The following CACNG3 variants were observed in gnomAD, a reference collection of about 807,000 sequenced individuals.
The protein encoded by CACNG3 is calcium voltage-gated channel auxiliary subunit gamma 3.
Under a neutral mutation model 28.5 loss-of-function variants are expected in CACNG3, and 3 were observed. That is an observed-to-expected ratio of 0.11 (90% confidence interval 0.05 to 0.27). The LOEUF (loss-of-function observed/expected upper bound fraction) is 0.27. Ranked by LOEUF, CACNG3 falls within the 10% of genes least tolerant of loss-of-function variation. The pLI, the probability that CACNG3 is intolerant of heterozygous loss-of-function variation, is 1.00. For synonymous variants in CACNG3, 174 were observed against 162.2 expected, an observed-to-expected ratio of 1.07 and a Z score of -0.55; for missense variants, 236 against 414.4, an observed-to-expected ratio of 0.57 and a Z score of 3.74.
chr16:24,317,652 G>GAAAGAAAGAAAGGA (rs1567217654), intron 1 of CACNG3, among the ~76,000 whole-genome samples: 6 of 41,956 alleles, frequency 1.4e-4, no homozygotes, highest in African/African-American at 5.8e-4. Context: ...GAAAAGAAAA[G>GAAAGAAAGAAAGGA]AAAGAAAGAA....
chr16:24,304,352 T>A (rs1899155783), intron 1 of CACNG3, among the ~76,000 whole-genome samples: 1 of 152,184 alleles, frequency 6.6e-6, no homozygotes, highest in South Asian at 2.1e-4. Flanking sequence ...ACATTTCATT[T>A]TTTTTAGCTT....
chr16:24,267,354 C>T (rs546743796), intron 1 of CACNG3, among the ~76,000 whole-genome samples: 1 of 152,218 alleles, frequency 6.6e-6, no homozygotes, highest in Admixed American at 6.5e-5. Context: ...GTGGTGCAAT[C>T]AGAGCTCACT....
intron 1 of CACNG3, among the ~76,000 whole-genome samples, chr16:24,317,648 A>AAAGAAAGAAAGAAAGAAAGGAAAAGAAAG (rs1491194402): frequency 3.6e-5 from 2 of 55,718 alleles, no homozygotes; most frequent in African/African-American, 1.7e-4. Context: ...GAAAGAAAAG[A>AAAGAAAGAAAGAAAGAAAGGAAAAGAAAG]AAAGAAAGAA....
chr16:24,357,654 G>A (rs1900050575), intron 3 of CACNG3, among the ~76,000 whole-genome samples: 1 of 152,170 alleles, frequency 6.6e-6, no homozygotes, highest in Non-Finnish European at 1.5e-5. Flanking sequence ...AGGTGGCGGT[G>A]GCCTCTACCT....
intron 1 of CACNG3, among the ~76,000 whole-genome samples, chr16:24,339,273 C>T (rs1245667051): frequency 6.6e-6 from 1 of 152,122 alleles, no homozygotes; most frequent in Non-Finnish European, 1.5e-5. Flanking sequence ...ACCACAATGA[C>T]TTAATTATTA....
intron 1 of CACNG3, among the ~76,000 whole-genome samples, chr16:24,335,806 T>C (rs1332902221): frequency 6.6e-6 from 1 of 152,084 alleles, no homozygotes; most frequent in African/African-American, 2.4e-5. Flanking sequence ...GGCTGGGTGG[T>C]GGCTCACGCC....
chr16:24,295,072 G>A (rs552705739), intron 1 of CACNG3, among the ~76,000 whole-genome samples: 2 of 152,268 alleles, frequency 1.3e-5, no homozygotes, highest in South Asian at 4.2e-4. Context: ...TGAATTGTCA[G>A]GAGGGTCCCT....
intron 1 of CACNG3, among the ~76,000 whole-genome samples, chr16:24,264,075 T>C (rs1305295102): frequency 2.0e-5 from 3 of 152,222 alleles, no homozygotes; most frequent in African/African-American, 7.2e-5. Context: ...AAAGGTGAAG[T>C]TCTGTGTGTG....
intron 1 of CACNG3, among the ~76,000 whole-genome samples, chr16:24,327,179 G>C (rs1899561431): frequency 7.6e-6 from 1 of 131,086 alleles, no homozygotes. Context: ...GAAGGAAGAG[G>C]AAAAGAAGAC....
At chr16:24,299,484 CT>C (rs1260183132) in intron 1 of CACNG3, among the ~76,000 whole-genome samples, 1 of 152,136 alleles carries the variant, frequency 6.6e-6, no homozygotes, top group Non-Finnish European at 1.5e-5. Context: ...TGCAAGGGTC[CT>C]TGGTTCCTTT....
At chr16:24,281,186 TTTG>T (rs1429062144) in intron 1 of CACNG3, among the ~76,000 whole-genome samples, 2 of 152,102 alleles carry the variant, frequency 1.3e-5, no homozygotes, top group East Asian at 1.9e-4. Context: ...TATATTCTGT[TTTG>T]TTGTTGTTGT....
At chr16:24,324,066 A>G (rs1596643175) in intron 1 of CACNG3, among the ~76,000 whole-genome samples, 1 of 152,284 alleles carries the variant, frequency 6.6e-6, no homozygotes, top group Middle Eastern at 3.4e-3. Context: ...GAGACAATGT[A>G]CCCAGCCACT....
rs79244758 is a variant in CACNG3 at position 24,299,049 on chromosome 16, T to C, written c.211+42084T>C. On this transcript the variant is annotated intron_variant, in intron 1 of 3. Coordinates refer to ENST00000005284, the MANE Select transcript of CACNG3 (RefSeq NM_006539.4). ...GTCTCGCCCCTGTAGAGTTACTTTT[T>C]TTTCCCCCTTTCCCTATTGTATTCT... 3.5e-3 allele frequency among the ~76,000 whole-genome samples: 532 copies of C among 152,246 alleles called. 2 individuals are homozygous for C. The highest frequency in any genetic ancestry group is 0.012 in the African/African-American group (492 of 41,530).
At chr16:24,279,429 G>A (rs1210325428) in intron 1 of CACNG3, among the ~76,000 whole-genome samples, 1 of 151,898 alleles carries the variant, frequency 6.6e-6, no homozygotes, top group Non-Finnish European at 1.5e-5. Context: ...GAGTAGCTGG[G>A]ACTACAGAGG....
chr16:24,326,921 T>C (rs1472809625), intron 1 of CACNG3, among the ~76,000 whole-genome samples: 1 of 151,990 alleles, frequency 6.6e-6, no homozygotes, highest in African/African-American at 2.4e-5. Flanking sequence ...CACCTGATCC[T>C]GAACCAGTCT....
intron 1 of CACNG3, among the ~76,000 whole-genome samples, chr16:24,308,360 G>C (rs996438958): frequency 6.6e-6 from 1 of 152,124 alleles, no homozygotes; most frequent in African/African-American, 2.4e-5. Context: ...CTCTTCTAGT[G>C]CCTGCAGCAA....
chr16:24,257,368 GGAGAGAGAGAGAGAGAGAGA>G (rs71154293), intron 1 of CACNG3, among the ~76,000 whole-genome samples: 1,575 of 52,862 alleles, frequency 0.03, 199 homozygotes, highest in East Asian at 0.12. Flanking sequence ...AAGTGAGGGG[GGAGAGAGAGAGAGAGAGAGA>G]GAGAGAGAGA....
At chr16:24,334,902 T>A (rs763037353) in intron 1 of CACNG3, among the ~76,000 whole-genome samples, 2 of 152,172 alleles carry the variant, frequency 1.3e-5, no homozygotes, top group Non-Finnish European at 2.9e-5. Flanking sequence ...TGTGTACCCA[T>A]GTCTGGGTGA....
intron 1 of CACNG3, among the ~76,000 whole-genome samples, chr16:24,340,022 C>A (rs112459120): frequency 2.6e-4 from 39 of 152,270 alleles, no homozygotes; most frequent in African/African-American, 9.1e-4. Flanking sequence ...GTAATCCCAG[C>A]ACTTTTGCAG....
Sources: gnomAD v4.1 joint callset for allele counts (sites outside exome capture counted in the v4.1 genomes callset) on GRCh38, gnomAD v4.1.1 for gene constraint, MANE v1.5 for transcripts, NCBI Gene and HGNC (gene_info 2026-07-23, HGNC 2026-07-21) for gene names.